Variants in SMAD3 observed in about 807,000 individuals in gnomAD.
SMAD3 encodes MAD homolog 3.
Under a neutral mutation model 51.8 loss-of-function variants are expected in SMAD3, and 12 were observed. That is an observed-to-expected ratio of 0.23 (90% CI 0.15 to 0.38). SMAD3 has a LOEUF of 0.38. Among genes scored for constraint, SMAD3 ranks in the 10% least tolerant of loss-of-function variants. The pLI, the probability that SMAD3 is intolerant of heterozygous loss-of-function variation, is 1.00. For missense variants in SMAD3, 294 were observed against 565.6 expected, an observed-to-expected ratio of 0.52 and a Z score of 4.87; for synonymous variants, 238 against 227.7, an observed-to-expected ratio of 1.05 and a Z score of -0.41.
intron 3 of SMAD3, among the ~76,000 whole-genome samples, chr15:67,165,723 A>T (rs1453711880): frequency 6.6e-6 from 1 of 152,106 alleles, no homozygotes; most frequent in Non-Finnish European, 1.5e-5. Context: ...GTCCCAATAG[A>T]CTGGGGGTCT....
At chr15:67,109,050 G>GTCT (rs1428732589) in intron 1 of SMAD3, among the ~76,000 whole-genome samples, 1 of 152,142 alleles carries the variant, frequency 6.6e-6, no homozygotes, top group Non-Finnish European at 1.5e-5. Flanking sequence ...GTTATTATTC[G>GTCT]TCTTCGTGTC....
At chr15:67,098,891 G>T in intron 1 of SMAD3, 2 of 702,286 alleles carry the variant, frequency 2.8e-6, no homozygotes, top group Non-Finnish European at 2.6e-6. Context: ...GGTGGACTCC[G>T]TTCCTGAGGG....
At chr15:67,090,357 T>A (rs1322564129) in intron 1 of SMAD3, among the ~76,000 whole-genome samples, 5 of 152,130 alleles carry the variant, frequency 3.3e-5, no homozygotes, top group Non-Finnish European at 7.4e-5. Flanking sequence ...TTGGGGGTAC[T>A]CAGATTTCCT....
At chr15:67,066,452 GGAGA>G in intron 1 of SMAD3, 92 bp downstream of exon 1, 4 of 996,762 alleles carry the variant, frequency 4.0e-6, no homozygotes, top group East Asian at 2.6e-5. Context: ...ATGGGAAGAG[GGAGA>G]GAGAGGGAGG....
chr15:67,091,371 C>T (rs969991040), intron 1 of SMAD3, among the ~76,000 whole-genome samples: 6 of 152,202 alleles, frequency 3.9e-5, no homozygotes, highest in Non-Finnish European at 7.3e-5. Context: ...TTGCCAGTAG[C>T]CTGCCCTTCC....
intron 1 of SMAD3, among the ~76,000 whole-genome samples, chr15:67,163,028 C>G (rs765432911): frequency 6.6e-5 from 10 of 151,972 alleles, no homozygotes; most frequent in Non-Finnish European, 1.5e-4. Context: ...GGCTGGAGTG[C>G]AGTGGCACAA....
intron 1 of SMAD3, among the ~76,000 whole-genome samples, chr15:67,104,713 C>T (rs547706734): frequency 6.6e-6 from 1 of 152,370 alleles, no homozygotes; most frequent in East Asian, 1.9e-4. Context: ...CTTGTTTCCC[C>T]GATGGTCATT....
intron 5 of SMAD3, among the ~76,000 whole-genome samples, chr15:67,177,934 G>A (rs1184042846): frequency 5.9e-5 from 9 of 152,164 alleles, no homozygotes. Context: ...TGGCTGGGGT[G>A]CTGCTCTGGC....
intron 1 of SMAD3, among the ~76,000 whole-genome samples, chr15:67,145,036 C>T (rs947311867): frequency 3.3e-5 from 5 of 152,094 alleles, no homozygotes; most frequent in African/African-American, 1.2e-4. Flanking sequence ...AGCCAGAGAG[C>T]CAGGGTGGAG....
At chr15:67,111,081 T>C (rs1334510567) in intron 1 of SMAD3, among the ~76,000 whole-genome samples, 1 of 152,226 alleles carries the variant, frequency 6.6e-6, no homozygotes. Context: ...TGTACAACCA[T>C]CATCACTATC....
At chr15:67,127,482 C>T (rs958771670) in intron 1 of SMAD3, among the ~76,000 whole-genome samples, 4 of 152,202 alleles carry the variant, frequency 2.6e-5, no homozygotes, top group African/African-American at 4.8e-5. Context: ...ACCCTGCAGA[C>T]GGCCCTCTAC....
intron 1 of SMAD3, among the ~76,000 whole-genome samples, chr15:67,107,970 C>CG (rs370003000): frequency 9.7e-5 from 12 of 124,186 alleles, no homozygotes; most frequent in South Asian, 3.2e-4. Context: ...TCCTCTCCCC[C>CG]CCACCCCCCC....
chr15:67,107,542 C>T (rs1057179791), intron 1 of SMAD3, among the ~76,000 whole-genome samples: 7 of 152,214 alleles, frequency 4.6e-5, no homozygotes, highest in Non-Finnish European at 8.8e-5. Flanking sequence ...CATTCGGCTG[C>T]GAGTAATTTC....
chr15:67,097,172 A>G (rs908766298), intron 1 of SMAD3, among the ~76,000 whole-genome samples: 2 of 151,928 alleles, frequency 1.3e-5, no homozygotes, highest in African/African-American at 4.8e-5. Context: ...GTCAAATCTT[A>G]TCTCCATCTC....
chr15:67,121,680 C>G (rs1475090537), intron 1 of SMAD3, among the ~76,000 whole-genome samples: 2 of 152,154 alleles, frequency 1.3e-5, no homozygotes, highest in Admixed American at 6.5e-5. Flanking sequence ...AGAATGGTTT[C>G]TACAGTATGC....
intron 1 of SMAD3, among the ~76,000 whole-genome samples, chr15:67,112,169 G>GTTTTTTTTTTTT (rs1961031339): frequency 3.3e-4 from 1 of 3,008 alleles, no homozygotes; most frequent in African/African-American, 1.0e-3. Flanking sequence ...TTTTTTTTGA[G>GTTTTTTTTTTTT]ACAGAGTTTT....
In SMAD3 at chr15:67,166,129, G is replaced by A. The variant is rs928942855; in HGVS notation, c.533-650G>A. 7.0e-6 allele frequency: 7 copies of A among 1,006,918 alleles called. No homozygotes were observed. In the African/African-American group the frequency reaches 1.2e-4, roughly 17 times the overall value. The allele number at this position is 1,006,918 out of a possible 1,614,324, so 62.4% of individuals were successfully genotyped here. The stretch of plus-strand genomic sequence containing the variant: ...CAGGCCTGTGTGCTTGGGTCAGAGT[G>A]TTAAGGAGGAGACCCACTGTCCAAC... On this transcript the variant is annotated intron_variant, in intron 3 of 8. Transcript: ENST00000327367.
chr15:67,149,007 C>A (rs1962053840), intron 1 of SMAD3, among the ~76,000 whole-genome samples: 1 of 152,092 alleles, frequency 6.6e-6, no homozygotes, highest in South Asian at 2.1e-4. Context: ...GCCTTTGGTG[C>A]TAAATGATGA....
chr15:67,160,084 G>T (rs1046489194), intron 1 of SMAD3, among the ~76,000 whole-genome samples: 2 of 152,094 alleles, frequency 1.3e-5, no homozygotes, highest in African/African-American at 2.4e-5. Context: ...AATGTTTGAG[G>T]GATGAATATC....
Sources: allele counts gnomAD v4.1 joint callset (sites outside exome capture counted in the v4.1 genomes callset), GRCh38; gene constraint gnomAD v4.1.1; transcripts MANE v1.5; gene names NCBI Gene and HGNC (gene_info 2026-07-23, HGNC 2026-07-21).